PPP1R1C: variants seen among roughly 807,000 people sequenced by gnomAD.
The protein encoded by PPP1R1C is protein phosphatase 1 regulatory inhibitor subunit 1C.
Under a neutral mutation model 17.4 loss-of-function variants are expected in PPP1R1C, and 15 were observed. The observed-to-expected ratio is 0.86, with a 90% CI of 0.58 to 1.33. PPP1R1C has a LOEUF of 1.33. Among genes scored for constraint, PPP1R1C ranks in the 40% most tolerant of loss-of-function variants. The pLI is 0.00. For synonymous variants in PPP1R1C, 35 were observed against 43.1 expected (o/e 0.81, Z 0.73); for missense variants, 143 against 130.0 (o/e 1.10, Z -0.48).
intron 2 of PPP1R1C, among the ~76,000 whole-genome samples, chr2:181,996,269 C>G (rs1213351185): frequency 1.3e-5 from 2 of 152,124 alleles, no homozygotes; most frequent in Admixed American, 6.5e-5. Context: ...TCAGGAAGGA[C>G]CTGTGAAAGC....
At position 181,962,120 on chromosome 2, in the gene PPP1R1C, C is replaced by T; in HGVS notation, n.111+7486C>T. 1.4e-6 allele frequency: 1 copy of T among 724,954 alleles called. No individual in the cohort carries two copies. The allele number at this position is 724,954 out of a possible 1,614,324, so 44.9% of individuals were successfully genotyped here. A position where few individuals can be genotyped will look rare whatever the true frequency, so the allele number is the denominator to read the frequency against. The stretch of plus-strand genomic sequence containing the variant: ...ATGACTCCAGTCTCTGACCTGGAGT[C>T]CCTTCTTCTCCAGGTGCTCCCGGAT... On this transcript the variant is annotated intron_variant and non_coding_transcript_variant, in intron 1 of 5. Coordinates refer to the PPP1R1C transcript ENST00000464264. The surrounding 1 kb of genome is among the most constrained non-coding windows in gnomAD (Gnocchi z 6.0).
At chr2:181,970,047 G>T (rs1352965403) in intron 1 of PPP1R1C, among the ~76,000 whole-genome samples, 1 of 151,770 alleles carries the variant, frequency 6.6e-6, no homozygotes, top group Admixed American at 6.6e-5. Flanking sequence ...GCTCAAAACA[G>T]CTATTTTGAA....
At chr2:182,109,846 C>T (rs888081248) in intron 4 of PPP1R1C, among the ~76,000 whole-genome samples, 1 of 152,140 alleles carries the variant, frequency 6.6e-6, no homozygotes, top group Non-Finnish European at 1.5e-5. Context: ...CACCACTGGG[C>T]ATGTTCACAA....
intron 2 of PPP1R1C, among the ~76,000 whole-genome samples, chr2:182,024,331 G>A (rs1429274834): frequency 6.6e-6 from 1 of 152,062 alleles, no homozygotes; most frequent in Non-Finnish European, 1.5e-5. Flanking sequence ...ATAAGAATTA[G>A]AACCAAAAAA....
chr2:182,099,389 A>C (rs553743904), intron 4 of PPP1R1C, among the ~76,000 whole-genome samples: 11 of 151,648 alleles, frequency 7.3e-5, no homozygotes, highest in African/African-American at 2.4e-4. Flanking sequence ...GGAAAGAAGG[A>C]GGATGAAATT....
chr2:182,078,031 A>C (rs1173760651), intron 4 of PPP1R1C, among the ~76,000 whole-genome samples: 2 of 152,040 alleles, frequency 1.3e-5, no homozygotes, highest in Admixed American at 1.3e-4. Flanking sequence ...ATGCAAAAAA[A>C]TTAGCCGGGT....
chr2:181,987,809 T>C, intron 1 of PPP1R1C, 30 bp from the exon 2 acceptor site: 1 of 1,609,572 alleles, frequency 6.2e-7, no homozygotes, highest in Non-Finnish European at 8.5e-7. Flanking sequence ...TAATACTCAC[T>C]GATATTAGCT....
chr2:182,098,448 ACTAAT>A (rs1386639549), intron 4 of PPP1R1C, among the ~76,000 whole-genome samples: 1 of 152,214 alleles, frequency 6.6e-6, no homozygotes, highest in Non-Finnish European at 1.5e-5. Flanking sequence ...CTCAACACAC[ACTAAT>A]CTAAAGTTAT....
chr2:182,053,782 A>T (rs61018290), intron 2 of PPP1R1C, among the ~76,000 whole-genome samples: 92,796 of 146,954 alleles, frequency 0.63, 30,548 homozygotes, highest in Non-Finnish European at 0.74. Flanking sequence ...TATTTATTTT[A>T]TTTATTTATT....
intron 4 of PPP1R1C, among the ~76,000 whole-genome samples, chr2:182,071,990 T>C (rs1285860377): frequency 6.6e-6 from 1 of 152,234 alleles, no homozygotes; most frequent in Non-Finnish European, 1.5e-5. Flanking sequence ...AGCTCTCAAA[T>C]ATAATTTGAA....
At chr2:182,125,192 G>A (rs1689845440) in intron 5 of PPP1R1C, among the ~76,000 whole-genome samples, 1 of 152,134 alleles carries the variant, frequency 6.6e-6, no homozygotes. Context: ...TTTATGTGAT[G>A]GATGATGTTT....
At chr2:181,984,563 C>T (rs1161248803), upstream of PPP1R1C, among the ~76,000 whole-genome samples, 1 of 152,198 alleles carries the variant, frequency 6.6e-6, no homozygotes, top group Admixed American at 6.5e-5. Flanking sequence ...CACTGTTCTC[C>T]ACTAAAAGTG....
intron 2 of PPP1R1C, among the ~76,000 whole-genome samples, chr2:182,009,304 C>T (rs1686020211): frequency 6.6e-6 from 1 of 152,074 alleles, no homozygotes; most frequent in Non-Finnish European, 1.5e-5. Flanking sequence ...TATTGCCTAA[C>T]TTTTGGATAA....
chr2:182,058,437 C>A (rs1253352626), intron 2 of PPP1R1C, among the ~76,000 whole-genome samples: 1 of 152,056 alleles, frequency 6.6e-6, no homozygotes, highest in African/African-American at 2.4e-5. Context: ...CCTTGGTCAC[C>A]TGGCAGAATT....
At chr2:182,022,105 T>C (rs1414751736) in intron 2 of PPP1R1C, among the ~76,000 whole-genome samples, 1 of 152,256 alleles carries the variant, frequency 6.6e-6, no homozygotes, top group Non-Finnish European at 1.5e-5. Context: ...ACTGAATTAG[T>C]ACCTAGTGTT....
chr2:182,125,207 A>G (rs1689845777), intron 5 of PPP1R1C, among the ~76,000 whole-genome samples: 1 of 152,034 alleles, frequency 6.6e-6, no homozygotes, highest in Non-Finnish European at 1.5e-5. Flanking sequence ...ATGTTTATTG[A>G]TTTGTGTATG....
rs895527619 is a variant in PPP1R1C at position 181,986,060 on chromosome 2, G to C, written c.-51G>C. ...GGAAACACATCCCGGACACCACTTA[G>C]GGTTAGTCTTTCTGAGCTCTTCACA... is the stretch of plus-strand genomic sequence containing the variant. On this transcript the variant is annotated 5_prime_UTR_variant, in exon 1 of 5. Coordinates refer to ENST00000682840, the MANE Select transcript of PPP1R1C (RefSeq NM_001080545.3). 2 of 1,415,746 alleles carry C rather than the reference G, an allele frequency of 1.4e-6. No individual in the cohort carries two copies. Among genetic ancestry groups the C allele is most frequent in the Admixed American group, 3.3e-5 (2 of 59,762 alleles). 87.7% of individuals were successfully genotyped at this position (1,415,746 alleles called of 1,614,324 possible). A position where few individuals can be genotyped will look rare whatever the true frequency, so the allele number is the denominator to read the frequency against.
upstream of PPP1R1C, among the ~76,000 whole-genome samples, chr2:181,982,741 G>A (rs1331172516): frequency 1.3e-5 from 2 of 152,146 alleles, no homozygotes; most frequent in Non-Finnish European, 2.9e-5. Flanking sequence ...AACTGCGGCA[G>A]CCTGTAGGAG....
At chr2:181,994,261 T>C (rs1427884075) in intron 2 of PPP1R1C, among the ~76,000 whole-genome samples, 3 of 152,106 alleles carry the variant, frequency 2.0e-5, no homozygotes, top group Non-Finnish European at 2.9e-5. Flanking sequence ...CCAATTTGTG[T>C]TTGACCAAAA....
Sources: allele counts gnomAD v4.1 joint callset (sites outside exome capture counted in the v4.1 genomes callset), GRCh38; gene constraint gnomAD v4.1.1; non-coding constraint Gnocchi (gnomAD v3.1); transcripts MANE v1.5; gene names NCBI Gene and HGNC (gene_info 2026-07-23, HGNC 2026-07-21).